The following NPAS3 variants were observed in gnomAD, a reference collection of about 807,000 sequenced individuals.
The protein encoded by NPAS3 is neuronal PAS domain-containing protein 3.
In NPAS3, 14 loss-of-function variants were observed where a neutral mutation model predicts 73.1. That is an observed-to-expected ratio of 0.19 (90% CI 0.13 to 0.30). The LOEUF (loss-of-function observed/expected upper bound fraction) is 0.30, where lower values mean the gene tolerates loss of function less well. Among genes scored for constraint, NPAS3 ranks in the 10% least tolerant of loss-of-function variants. NPAS3 has a pLI of 1.00. For missense variants in NPAS3, 1,096 were observed against 1,250.0 expected (o/e 0.88, Z 1.86); for synonymous variants, 620 against 541.5 (o/e 1.14, Z -2.01).
At chr14:33,227,603 GAGAA>G (rs575423163) in intron 3 of NPAS3, among the ~76,000 whole-genome samples, 83 of 152,286 alleles carry the variant, frequency 5.5e-4, no homozygotes, top group African/African-American at 2.0e-3. Flanking sequence ...AAGATGGAAA[GAGAA>G]AGAAAGATTA....
At chr14:33,115,844 C>T (rs148766707) in intron 2 of NPAS3, among the ~76,000 whole-genome samples, 145 of 151,960 alleles carry the variant, frequency 9.5e-4, no homozygotes, top group Middle Eastern at 3.4e-3. Flanking sequence ...ATGATTTGGC[C>T]CACATCACTG....
Position 32,992,299 on chromosome 14 carries a change from T to C in NPAS3, c.50+52933T>C, listed in dbSNP as rs1445469107. Reference sequence around the variant, plus strand: ...CTACCATATTATTTCTTTAGGTCATTAGGTAGTAAATTTTGATGGTTTGGA... The same window carrying C: ...CTACCATATTATTTCTTTAGGTCATCAGGTAGTAAATTTTGATGGTTTGGA... On this transcript the variant is annotated intron_variant, in intron 1 of 11. Transcript: ENST00000356141. Among the ~76,000 whole-genome samples the C allele has an allele frequency of 2.6e-5, 4 of 152,198 alleles. No individual in the cohort carries two copies. The East Asian group carries it at 7.7e-4, about 29-fold the overall frequency.
At chr14:32,966,776 CAAAA>C (rs61620104) in intron 1 of NPAS3, among the ~76,000 whole-genome samples, 9 of 45,166 alleles carry the variant, frequency 2.0e-4, no homozygotes, top group African/African-American at 9.8e-4. Flanking sequence ...GACTCCGTCT[CAAAA>C]AAAAAAAAAA....
Position 33,565,181 on chromosome 14 carries a change from AT to A in NPAS3, c.558+4979del, listed in dbSNP as rs547990042. Reference sequence around the variant, plus strand: ...GGTAAGTGGTTGTTTTAAATTTGGTATTTTTTTTAAGCCATGCAGATATATT... The same window carrying A: ...GGTAAGTGGTTGTTTTAAATTTGGTATTTTTTTAAGCCATGCAGATATATT... On this transcript the variant is annotated intron_variant, in intron 5 of 11. Transcript: ENST00000356141. Among the ~76,000 whole-genome samples the A allele has an allele frequency of 4.7e-3, 722 of 152,128 alleles. 2 individuals carry two copies. The highest frequency in any genetic ancestry group is 8.0e-3 in the Non-Finnish European group (544 of 67,996).
At chr14:33,735,405 C>A in intron 7 of NPAS3, 73 bp downstream of exon 7, 3 of 1,023,800 alleles carry the variant, frequency 2.9e-6, no homozygotes, top group Non-Finnish European at 3.1e-6. Context: ...AATTTTCCAG[C>A]TGCTTTAGGT....
At chr14:33,277,975 A>G (rs950731143) in intron 3 of NPAS3, among the ~76,000 whole-genome samples, 5 of 152,150 alleles carry the variant, frequency 3.3e-5, no homozygotes, top group South Asian at 2.1e-4. Flanking sequence ...TTCGGGTTGC[A>G]GAGGTTCGGG....
chr14:33,005,692 G>C (rs7158435), intron 1 of NPAS3, among the ~76,000 whole-genome samples: 1 of 152,180 alleles, frequency 6.6e-6, no homozygotes, highest in African/African-American at 2.4e-5. Context: ...GGCAGTGGAA[G>C]TCTCAAAGTT....
At chr14:33,426,203 C>G (rs2048548158) in intron 4 of NPAS3, among the ~76,000 whole-genome samples, 1 of 152,002 alleles carries the variant, frequency 6.6e-6, no homozygotes, top group Non-Finnish European at 1.5e-5. Context: ...TTCATGAACT[C>G]AGATTCCACC....
chr14:33,085,921 G>A (rs1595410579), intron 2 of NPAS3, among the ~76,000 whole-genome samples: 1 of 152,268 alleles, frequency 6.6e-6, no homozygotes, highest in African/African-American at 2.4e-5. Flanking sequence ...TCAGTTGGAA[G>A]TGTTAATTAT....
chr14:33,227,055 T>G (rs2047662706), intron 3 of NPAS3, among the ~76,000 whole-genome samples: 1 of 152,166 alleles, frequency 6.6e-6, no homozygotes, highest in Non-Finnish European at 1.5e-5. Context: ...AAAAAATATG[T>G]AAAATGCAGT....
rs1349201630 is a variant in NPAS3, at chr14:33,727,384, G to GA, written c.734-7823dup. Among the ~76,000 whole-genome samples, 11 of 152,078 alleles carry GA rather than the reference G, an allele frequency of 7.2e-5. No homozygotes were observed. The East Asian group carries it at 2.1e-3, about 29-fold the overall frequency. On this transcript the variant is annotated intron_variant, in intron 6 of 11. Coordinates refer to ENST00000356141, the Ensembl canonical transcript of NPAS3. Reference sequence around the variant, plus strand: ...TATGCGCTAAACAGCCTGAAGGATAGAAAAAAATATATTTGTAGCTCATAA... The same window carrying GA: ...TATGCGCTAAACAGCCTGAAGGATAGAAAAAAAATATATTTGTAGCTCATAA...
intron 2 of NPAS3, among the ~76,000 whole-genome samples, chr14:33,195,835 G>T (rs1000056481): frequency 7.9e-5 from 12 of 152,136 alleles, no homozygotes; most frequent in African/African-American, 2.9e-4. Flanking sequence ...AGGAAAGTCA[G>T]GTTGAATATT....
At chr14:33,049,678 G>A (rs1410825009) in intron 1 of NPAS3, among the ~76,000 whole-genome samples, 2 of 152,248 alleles carry the variant, frequency 1.3e-5, no homozygotes, top group East Asian at 1.9e-4. Context: ...TTTGGGTGGG[G>A]ACACAGAGCC....
intron 5 of NPAS3, among the ~76,000 whole-genome samples, chr14:33,644,482 G>A (rs568426886): frequency 6.6e-6 from 1 of 152,286 alleles, no homozygotes; most frequent in Non-Finnish European, 1.5e-5. Flanking sequence ...CATGCCTTGG[G>A]ATTTTCCTAG....
intron 4 of NPAS3, among the ~76,000 whole-genome samples, chr14:33,541,778 G>A (rs977568583): frequency 6.6e-6 from 1 of 152,126 alleles, no homozygotes; most frequent in African/African-American, 2.4e-5. Flanking sequence ...TTGGAGTGGT[G>A]GAGGATCTTC....
At chr14:33,498,810 C>T (rs1256268149) in intron 4 of NPAS3, among the ~76,000 whole-genome samples, 1 of 151,786 alleles carries the variant, frequency 6.6e-6, no homozygotes, top group Non-Finnish European at 1.5e-5. Context: ...GTTCCGCACA[C>T]GTATCCCAGA....
intron 3 of NPAS3, among the ~76,000 whole-genome samples, chr14:33,247,935 T>A (rs1216427223): frequency 6.6e-6 from 1 of 152,242 alleles, no homozygotes; most frequent in Non-Finnish European, 1.5e-5. Context: ...GGGCAGTGTT[T>A]GCAGAATCCA....
At chr14:33,753,987 G>A (rs1466316137) in intron 7 of NPAS3, among the ~76,000 whole-genome samples, 1 of 152,144 alleles carries the variant, frequency 6.6e-6, no homozygotes, top group Non-Finnish European at 1.5e-5. Context: ...TGTTCAGATG[G>A]TTGTAAAGAG....
intron 6 of NPAS3, among the ~76,000 whole-genome samples, chr14:33,717,771 A>G (rs1003560815): frequency 7.2e-5 from 11 of 152,148 alleles, no homozygotes; most frequent in African/African-American, 2.4e-4. Context: ...GTCATAGACA[A>G]CAGATCCTCT....
Sources: allele counts gnomAD v4.1 joint callset (sites outside exome capture counted in the v4.1 genomes callset), GRCh38; gene constraint gnomAD v4.1.1; transcripts MANE v1.5; gene names NCBI Gene and HGNC (gene_info 2026-07-23, HGNC 2026-07-21).